The following SLC4A4 variants were observed in gnomAD, a reference collection of about 807,000 sequenced individuals.
SLC4A4 encodes the protein solute carrier family 4 member 4.
SLC4A4 carries 27 observed loss-of-function variants against 111.5 expected under a neutral mutation model. The ratio of observed to expected loss-of-function variants is 0.24; its 90% confidence interval spans 0.18 to 0.33. The LOEUF (loss-of-function observed/expected upper bound fraction) is 0.33, where lower values mean the gene tolerates loss of function less well. Among genes scored for constraint, SLC4A4 ranks in the 10% least tolerant of loss-of-function variants. The pLI, the probability that SLC4A4 is intolerant of heterozygous loss-of-function variation, is 1.00. For missense variants in SLC4A4, 909 were observed against 1,315.5 expected, an observed-to-expected ratio of 0.69 and a Z score of 4.78; for synonymous variants, 443 against 463.4, an observed-to-expected ratio of 0.96 and a Z score of 0.57.
intron 14 of SLC4A4, among the ~76,000 whole-genome samples, chr4:71,480,748 T>G (rs1017412874): frequency 6.6e-6 from 1 of 151,768 alleles, no homozygotes; most frequent in African/African-American, 2.4e-5. Context: ...AAGTTTTTCT[T>G]GTTCACATCG....
At chr4:71,548,103 A>G (rs1402898418) in intron 20 of SLC4A4, among the ~76,000 whole-genome samples, 1 of 151,832 alleles carries the variant, frequency 6.6e-6, no homozygotes, top group Non-Finnish European at 1.5e-5. Flanking sequence ...ATTTGCTTGT[A>G]TCCAAATCTT....
intron 1 of SLC4A4, among the ~76,000 whole-genome samples, chr4:71,085,558 A>C (rs1030995680): frequency 6.6e-6 from 1 of 152,048 alleles, no homozygotes; most frequent in African/African-American, 2.4e-5. Context: ...TTAAGTCTTT[A>C]ATCCAACTTG....
chr4:71,331,432 G>A (rs1042074396), intron 3 of SLC4A4, among the ~76,000 whole-genome samples: 11 of 152,074 alleles, frequency 7.2e-5, no homozygotes, highest in African/African-American at 2.7e-4. Flanking sequence ...TCCTTTGTAG[G>A]GACATGGATG....
chr4:71,407,910 G>A (rs900948624), intron 7 of SLC4A4, among the ~76,000 whole-genome samples: 6 of 151,924 alleles, frequency 3.9e-5, no homozygotes, highest in African/African-American at 1.5e-4. Context: ...CTTGTGCTTT[G>A]CTAAACCCCA....
At chr4:71,340,434 G>T (rs1395847271) in intron 4 of SLC4A4, among the ~76,000 whole-genome samples, 3 of 151,954 alleles carry the variant, frequency 2.0e-5, no homozygotes, top group Non-Finnish European at 2.9e-5. Context: ...ATTAATTATT[G>T]TTGTTAGTCC....
intron 14 of SLC4A4, chr4:71,473,261 A>G: frequency 1.7e-6 from 1 of 604,074 alleles, no homozygotes; most frequent in Non-Finnish European, 2.9e-6. Flanking sequence ...ATTATTCTTG[A>G]TTTTATAAGT....
At chr4:71,173,547 A>T (rs1259547293) in intron 2 of SLC4A4, among the ~76,000 whole-genome samples, 1 of 151,930 alleles carries the variant, frequency 6.6e-6, no homozygotes, top group Non-Finnish European at 1.5e-5. Flanking sequence ...CGCCAGGCTA[A>T]TTTTTGTATT....
chr4:71,560,197 G>A lies in SLC4A4; in HGVS notation c.3042G>A (p.Lys1014=). The part of the protein sequence containing the change: ...DVIPEKDKKK[K]EDEKKKKKKK... ...TTCCAGAAAAGGACAAGAAAAAGAA[G>A]GAGGATGAGAAGAAAAAGAAAAAGA... Residue 1014 remains lysine, a synonymous_variant, in exon 23 of 26, where the codon AAG becomes AAA. Coordinates refer to ENST00000264485, the MANE Select transcript of SLC4A4 (RefSeq NM_001098484.3). 6.2e-7 allele frequency: 1 copy of A among 1,610,738 alleles called. No homozygotes were observed. Among genetic ancestry groups the A allele is most frequent in the African/African-American group, 1.3e-5 (1 of 74,856 alleles).
At chr4:71,341,302 G>A (rs949859259) in intron 4 of SLC4A4, among the ~76,000 whole-genome samples, 1 of 152,088 alleles carries the variant, frequency 6.6e-6, no homozygotes, top group African/African-American at 2.4e-5. Flanking sequence ...GAGAATAAGG[G>A]AAACCAAATC....
intron 2 of SLC4A4, among the ~76,000 whole-genome samples, chr4:71,142,984 C>G (rs1469997418): frequency 1.3e-5 from 2 of 151,690 alleles, no homozygotes; most frequent in African/African-American, 4.8e-5. Flanking sequence ...TTTTAGGGTA[C>G]ATGTGCACAA....
intron 2 of SLC4A4, among the ~76,000 whole-genome samples, chr4:71,125,390 T>C (rs1446516625): frequency 3.9e-5 from 6 of 152,148 alleles, no homozygotes; most frequent in Admixed American, 1.3e-4. Context: ...CTGGCCAACA[T>C]GGCAAAACCC....
intron 18 of SLC4A4, among the ~76,000 whole-genome samples, chr4:71,540,010 C>T (rs1184343151): frequency 6.6e-6 from 1 of 152,174 alleles, no homozygotes; most frequent in Non-Finnish European, 1.5e-5. Flanking sequence ...TGTGAATTTA[C>T]TGTAGACATA....
chr4:71,139,179 TTGTGTGTGTG>T (rs57359640), intron 2 of SLC4A4, among the ~76,000 whole-genome samples: 6,019 of 144,496 alleles, frequency 0.042, 411 homozygotes, highest in African/African-American at 0.14. Flanking sequence ...TCCCTTTTCT[TTGTGTGTGTG>T]TGTGTGTGTG....
chr4:71,381,403 C>A (rs148021066), intron 6 of SLC4A4, among the ~76,000 whole-genome samples: 89 of 152,264 alleles, frequency 5.8e-4, no homozygotes, highest in African/African-American at 2.0e-3. Flanking sequence ...GTGGCACTTC[C>A]TCTTACCCAG....
intron 2 of SLC4A4, among the ~76,000 whole-genome samples, chr4:71,114,599 T>G (rs1743196158): frequency 6.6e-6 from 1 of 150,708 alleles, no homozygotes; most frequent in African/African-American, 2.5e-5. Context: ...TCACCATCAC[T>G]GGCCATCAGA....
At position 71,120,543 on chromosome 4, in the gene SLC4A4, A is replaced by G. The variant is rs571665442; in HGVS notation, c.-2+27751A>G. Among the ~76,000 whole-genome samples, 7 of 152,256 alleles carry G rather than the reference A, an allele frequency of 4.6e-5. No individual in the cohort carries two copies. The South Asian group carries it at 8.3e-4, about 18-fold the overall frequency. ...TCAGTTTTGGCCTGGTAATCGCTTT[A>G]TATCTTGGGATCTTTTTGATGCTTT... On this transcript the variant is annotated intron_variant, in intron 2 of 26. Transcript: ENST00000649996.
At chr4:71,553,121 A>T (rs1340360409) in intron 20 of SLC4A4, among the ~76,000 whole-genome samples, 1 of 151,920 alleles carries the variant, frequency 6.6e-6, no homozygotes, top group African/African-American at 2.4e-5. Context: ...TTCAAAAGAC[A>T]TATTTTTATC....
At chr4:71,210,921 A>T (rs1370618434) in intron 1 of SLC4A4, among the ~76,000 whole-genome samples, 2 of 152,254 alleles carry the variant, frequency 1.3e-5, no homozygotes, top group African/African-American at 4.8e-5. Context: ...AGTTATAAAG[A>T]TGAAAAGTGA....
intron 4 of SLC4A4, among the ~76,000 whole-genome samples, chr4:71,341,080 C>G (rs1010200084): frequency 3.9e-5 from 6 of 152,098 alleles, no homozygotes; most frequent in African/African-American, 1.4e-4. Context: ...ATGTATTTCA[C>G]TTTCATAAAC....
Sources: gnomAD v4.1 joint callset for allele counts (sites outside exome capture counted in the v4.1 genomes callset) on GRCh38, gnomAD v4.1.1 for gene constraint, MANE v1.5 for transcripts, NCBI Gene and HGNC (gene_info 2026-07-23, HGNC 2026-07-21) for gene names.